KCNN3: variants seen among roughly 807,000 people sequenced by gnomAD.
The protein encoded by KCNN3 is small conductance calcium-activated potassium channel protein 3.
A neutral mutation model predicts 62.9 loss-of-function variants in KCNN3; 16 were observed. The observed-to-expected ratio is 0.25, with a 90% CI of 0.17 to 0.39. The LOEUF (loss-of-function observed/expected upper bound fraction) is 0.39. Among genes scored for constraint, KCNN3 ranks in the 10% least tolerant of loss-of-function variants. The pLI is 1.00. For synonymous variants in KCNN3, 370 were observed against 389.2 expected (o/e 0.95, Z 0.58); for missense variants, 599 against 949.4 (o/e 0.63, Z 4.85).
In KCNN3 at chr1:154,772,232, G is replaced by A. The variant is rs575280266; in HGVS notation, c.1191C>T (p.Ser397=). 6.2e-7 allele frequency: 1 copy of A among 1,614,242 alleles called. No homozygotes were observed. The highest frequency in any genetic ancestry group is 1.3e-5 in the African/African-American group (1 of 75,064). ...TGATGTCCACATCGGCCTCCGCCCG[G>A]GAGGGTGTGTAGGAGAAGGCCAGGC... is the stretch of plus-strand genomic sequence containing the variant. ...TARLAFSYTP[S]RAEADVDIIL... Residue 397 remains serine, a synonymous_variant, in exon 3 of 8, where the codon TCC becomes TCT. Coordinates refer to ENST00000271915, the MANE Select transcript of KCNN3 (RefSeq NM_002249.6). The surrounding 1 kb of genome is among the most constrained non-coding windows in gnomAD (Gnocchi z 5.6).
In KCNN3 at chr1:154,717,430, T is replaced by C. The variant is rs997615502; in HGVS notation, c.1702-2427A>G. The stretch of plus-strand genomic sequence containing the variant: ...GAGCCAGAATCACACAGCTAGCTAA[T>C]GGCAAAGTCAAAACAAGAGCCACGT... On this transcript the variant is annotated intron_variant, in intron 5 of 7. Coordinates refer to ENST00000271915, the MANE Select transcript of KCNN3 (RefSeq NM_002249.6). 3.3e-5 allele frequency among the ~76,000 whole-genome samples: 5 copies of C among 152,164 alleles called. No homozygotes were observed. In the East Asian group the frequency reaches 9.6e-4, roughly 29 times the overall value.
intron 2 of KCNN3, among the ~76,000 whole-genome samples, chr1:154,791,492 G>T (rs1194856293): frequency 1.3e-5 from 2 of 152,062 alleles, no homozygotes; most frequent in African/African-American, 4.8e-5. Context: ...CGGAGAGTAA[G>T]CAACCAGCCC....
intron 3 of KCNN3, among the ~76,000 whole-genome samples, chr1:154,756,576 C>T (rs138106665): frequency 1.3e-5 from 2 of 152,202 alleles, no homozygotes; most frequent in African/African-American, 2.4e-5. Flanking sequence ...TCATTCTTCT[C>T]AGAAGGCTCA....
At chr1:154,753,448 T>C (rs10908434) in intron 3 of KCNN3, among the ~76,000 whole-genome samples, 134,259 of 152,252 alleles carry the variant, frequency 0.88, 59,324 homozygotes, top group East Asian at 1. Context: ...GACTGCACAG[T>C]CCAAGCTGAA....
At chr1:154,730,104 A>G (rs954703213) in intron 4 of KCNN3, among the ~76,000 whole-genome samples, 2 of 152,238 alleles carry the variant, frequency 1.3e-5, no homozygotes, top group South Asian at 2.1e-4. Flanking sequence ...GTCATTTCCA[A>G]TTCTGGATAC....
chr1:154,841,308 T>C (rs1179808822), intron 1 of KCNN3, among the ~76,000 whole-genome samples: 1 of 152,214 alleles, frequency 6.6e-6, no homozygotes, highest in Non-Finnish European at 1.5e-5. Context: ...CATTCTTCCT[T>C]TAATCCCCAA....
At chr1:154,755,395 G>C (rs1422718154) in intron 3 of KCNN3, among the ~76,000 whole-genome samples, 1 of 151,632 alleles carries the variant, frequency 6.6e-6, no homozygotes, top group African/African-American at 2.4e-5. Context: ...CTTGAGCCCA[G>C]GAGTTAAAGC....
intron 1 of KCNN3, among the ~76,000 whole-genome samples, chr1:154,848,435 A>G (rs868843187): frequency 6.0e-4 from 91 of 151,962 alleles, no homozygotes; most frequent in African/African-American, 2.2e-3. Flanking sequence ...TCCTCTCTCT[A>G]TAACCCATCC....
chr1:154,779,285 A>G (rs908273869), intron 2 of KCNN3, among the ~76,000 whole-genome samples: 1 of 152,226 alleles, frequency 6.6e-6, no homozygotes, highest in Non-Finnish European at 1.5e-5. Context: ...TATATTTGGC[A>G]CATATTAGAA....
chr1:154,744,648 C>G (rs75282575), intron 3 of KCNN3, among the ~76,000 whole-genome samples: 1 of 152,154 alleles, frequency 6.6e-6, no homozygotes, highest in African/African-American at 2.4e-5. Flanking sequence ...ATTCCCATTC[C>G]CAGCTCTGCC....
chr1:154,779,901 C>T (rs1648951665), intron 2 of KCNN3, among the ~76,000 whole-genome samples: 1 of 152,204 alleles, frequency 6.6e-6, no homozygotes, highest in Non-Finnish European at 1.5e-5. Context: ...TCACCTGCAC[C>T]TCAGGGAGTC....
intron 5 of KCNN3, among the ~76,000 whole-genome samples, chr1:154,715,729 A>G (rs1397584552): frequency 6.6e-6 from 1 of 152,172 alleles, no homozygotes; most frequent in Non-Finnish European, 1.5e-5. Flanking sequence ...CCCCTTGGAA[A>G]ATAGCTAGCG....
At chr1:154,770,951 G>C (rs947164163) in intron 3 of KCNN3, among the ~76,000 whole-genome samples, 7 of 152,028 alleles carry the variant, frequency 4.6e-5, no homozygotes, top group Non-Finnish European at 1.0e-4. Context: ...CAGCTACATG[G>C]GAGGCTGAGG....
intron 3 of KCNN3, among the ~76,000 whole-genome samples, chr1:154,760,062 G>A (rs907142565): frequency 2.0e-5 from 3 of 151,288 alleles, no homozygotes; most frequent in African/African-American, 7.3e-5. Context: ...TCCCAAGCTG[G>A]AGTGCAATGG....
rs1699966916 is a variant in KCNN3, at chr1:154,706,435, A to G, written c.*1541T>C. ...CACAGGCAGAAACCAAAGACCTCAG[A>G]ATGAGAAAGTCATGGTTTTCACGTC... On this transcript the variant is annotated 3_prime_UTR_variant, in exon 8 of 8. Transcript: ENST00000271915. The G allele has an allele frequency of 6.6e-6, 1 of 152,212 alleles. No homozygotes were observed. Among genetic ancestry groups the G allele is most frequent in the South Asian group, 2.1e-4 (1 of 4,838 alleles). The allele number at this position is 152,212 out of a possible 1,614,324, so 9.4% of individuals were successfully genotyped here.
At position 154,824,652 on chromosome 1, in the gene KCNN3, G is replaced by T. The variant is rs1332123658; in HGVS notation, c.934-2468C>A. Among the ~76,000 whole-genome samples, 4 of 152,190 alleles carry T rather than the reference G, an allele frequency of 2.6e-5. No homozygotes were observed. The South Asian group carries it at 8.3e-4, about 32-fold the overall frequency. On this transcript the variant is annotated intron_variant, in intron 1 of 7. Transcript: ENST00000271915. The stretch of plus-strand genomic sequence containing the variant: ...GCATCTGGGAGCATCACACCTCCCC[G>T]GGAAGGATTTGGGATCAGCTGCACA...
intron 2 of KCNN3, among the ~76,000 whole-genome samples, chr1:154,803,772 A>T (rs1268895533): frequency 6.6e-6 from 1 of 152,220 alleles, no homozygotes; most frequent in African/African-American, 2.4e-5. Flanking sequence ...CAAGCTGTTA[A>T]TCTGAGCGAG....
intron 3 of KCNN3, among the ~76,000 whole-genome samples, chr1:154,760,718 C>T (rs967095124): frequency 1.8e-4 from 28 of 152,336 alleles, no homozygotes; most frequent in Admixed American, 5.2e-4. Flanking sequence ...ACCGCGGGGA[C>T]GCCCGGGAGG....
chr1:154,776,472 A>G (rs1648795855), intron 2 of KCNN3, among the ~76,000 whole-genome samples: 1 of 152,098 alleles, frequency 6.6e-6, no homozygotes, highest in East Asian at 1.9e-4. Context: ...GCAGGTTAAA[A>G]GCTTCTGCTA....
Sources: gnomAD v4.1 joint callset for allele counts (sites outside exome capture counted in the v4.1 genomes callset) on GRCh38, gnomAD v4.1.1 for gene constraint, Gnocchi (gnomAD v3.1) non-coding constraint, MANE v1.5 for transcripts, NCBI Gene and HGNC (gene_info 2026-07-23, HGNC 2026-07-21) for gene names.